The following ST7 variants were observed in gnomAD, a reference collection of about 807,000 sequenced individuals.
ST7 encodes the protein suppression of tumorigenicity 7, also known as suppressor of tumorigenicity 7 protein.
In ST7, 28 loss-of-function variants were observed where a neutral mutation model predicts 78.7. The ratio of observed to expected loss-of-function variants is 0.36; its 90% CI spans 0.26 to 0.49. The LOEUF (loss-of-function observed/expected upper bound fraction) is 0.49. Ranked by LOEUF, ST7 falls within the 20% of genes least tolerant of loss-of-function variation. The pLI is 0.99. For missense variants in ST7, 418 were observed against 696.0 expected, an observed-to-expected ratio of 0.60 and a Z score of 4.49; for synonymous variants, 247 against 249.6, an observed-to-expected ratio of 0.99 and a Z score of 0.10.
At chr7:117,138,600 G>A in intron 9 of ST7, 68 bp downstream of exon 9, 3 of 1,117,728 alleles carry the variant, frequency 2.7e-6, no homozygotes, top group Non-Finnish European at 4.0e-6. Context: ...GGCCATAGCA[G>A]TCTGTACCAG....
intron 1 of ST7, among the ~76,000 whole-genome samples, chr7:116,995,829 A>T (rs569341353): frequency 6.6e-6 from 1 of 152,168 alleles, no homozygotes; most frequent in South Asian, 2.1e-4. Context: ...GTCAATTTTT[A>T]TATGAAGTTT....
intron 1 of ST7, among the ~76,000 whole-genome samples, chr7:117,001,005 G>A (rs1794909317): frequency 6.6e-6 from 1 of 152,222 alleles, no homozygotes; most frequent in Non-Finnish European, 1.5e-5. Context: ...GTGAATCTAA[G>A]ATGCTTTTTG....
At position 117,219,076 on chromosome 7, in the gene ST7, G is replaced by GT; in HGVS notation, c.1406-4dup. On this transcript the variant is annotated splice_region_variant and splice_polypyrimidine_tract_variant and intron_variant, in intron 13 of 15. Coordinates refer to ENST00000323984, the MANE Select transcript of ST7 (RefSeq NM_001369598.1). The surrounding 1 kb of genome is among the most constrained non-coding windows in gnomAD (Gnocchi z 5.1). ...GGACATCTCTGACATATTTTTTCTC[G>GT]TTTTCAGCTTTTCGGATGATCCCTT... 6.2e-7 allele frequency: 1 copy of GT among 1,603,656 alleles called. No individual in the cohort carries two copies. Among genetic ancestry groups the GT allele is most frequent in the East Asian group, 2.2e-5 (1 of 44,518 alleles).
At chr7:117,116,988 A>T (rs1802941979) in intron 2 of ST7, among the ~76,000 whole-genome samples, 1 of 152,226 alleles carries the variant, frequency 6.6e-6, no homozygotes, top group South Asian at 2.1e-4. Flanking sequence ...TAAAGATTTG[A>T]AAAAAGGAAT....
At chr7:117,009,785 C>T (rs1340846434) in intron 1 of ST7, among the ~76,000 whole-genome samples, 2 of 152,168 alleles carry the variant, frequency 1.3e-5, no homozygotes, top group South Asian at 2.1e-4. Flanking sequence ...GACCACACAG[C>T]ACCTCTTATA....
chr7:117,153,329 T>C (rs996952473), intron 9 of ST7, among the ~76,000 whole-genome samples: 8 of 152,138 alleles, frequency 5.3e-5, no homozygotes, highest in African/African-American at 1.9e-4. Flanking sequence ...CAGTGGGATA[T>C]ACAGACCCTG....
intron 1 of ST7, chr7:117,098,543 T>G (rs183034199): frequency 4.0e-4 from 90 of 225,104 alleles, no homozygotes; most frequent in Non-Finnish European, 7.5e-4. Context: ...CTGCACTTGG[T>G]CTTCTAGAGA....
intron 13 of ST7, 63 bp downstream of exon 13, chr7:117,210,000 C>T (rs1235871533): frequency 6.4e-7 from 1 of 1,560,828 alleles, no homozygotes. Flanking sequence ...AATGTTTTTG[C>T]ACTGTTTATG....
chr7:117,198,298 C>T (rs1475796438), intron 12 of ST7: 6 of 456,014 alleles, frequency 1.3e-5, no homozygotes, highest in Middle Eastern at 3.3e-4. Context: ...TTTTACCTCC[C>T]GTTCTATTTC....
At chr7:117,079,968 CTTTTTTTTTTTTTTTTTT>C (rs34326752) in intron 1 of ST7, among the ~76,000 whole-genome samples, 19 of 65,438 alleles carry the variant, frequency 2.9e-4, no homozygotes, top group African/African-American at 1.0e-3. Flanking sequence ...TTTGTCATTC[CTTTTTTTTTTTTTTTTTT>C]TTTTTTTTTT....
Position 117,050,139 on chromosome 7 carries a change from C to T in ST7, c.152-49623C>T, listed in dbSNP as rs536696828. 6.6e-5 allele frequency among the ~76,000 whole-genome samples: 10 copies of T among 151,078 alleles called. No individual in the cohort carries two copies. The East Asian group carries it at 9.8e-4, about 15-fold the overall frequency. On this transcript the variant is annotated intron_variant, in intron 1 of 15. Transcript: ENST00000323984. The stretch of plus-strand genomic sequence containing the variant: ...CTGAGCCAGGAGAATCACTTGAACC[C>T]GGGACGTGGAGGTTGCAGTGAGCTG...
intron 9 of ST7, among the ~76,000 whole-genome samples, chr7:117,156,631 A>G (rs891583087): frequency 1.1e-4 from 16 of 152,204 alleles, no homozygotes; most frequent in African/African-American, 3.6e-4. Flanking sequence ...AGTGAGTCCC[A>G]GTGGTCTCCA....
At chr7:116,979,960 T>TTTTTTTTTG (rs1793878434) in intron 1 of ST7, among the ~76,000 whole-genome samples, 1 of 105,012 alleles carries the variant, frequency 9.5e-6, no homozygotes, top group Non-Finnish European at 1.8e-5. Context: ...TTGTTTCTCT[T>TTTTTTTTTG]TTTTTTTTTT....
chr7:117,197,976 CAGA>C (rs1473095076), intron 12 of ST7, among the ~76,000 whole-genome samples: 1 of 152,086 alleles, frequency 6.6e-6, no homozygotes, highest in Non-Finnish European at 1.5e-5. Context: ...GAGGCTGAGC[CAGA>C]AGGTCAAGAC....
At chr7:116,959,995 A>T (rs10262671) in intron 1 of ST7, among the ~76,000 whole-genome samples, 149,714 of 152,274 alleles carry the variant, frequency 0.98, 73,658 homozygotes, top group East Asian at 1. Context: ...GACTCTTAAT[A>T]CTTAGTGAAT....
In ST7 at chr7:117,129,765, A is replaced by C. The variant is rs375400694; in HGVS notation, c.395-28A>C. 25 of 1,593,472 alleles carry C rather than the reference A, an allele frequency of 1.6e-5. No homozygotes were observed. In the African/African-American group the frequency reaches 3.1e-4, roughly 20 times the overall value. On this transcript the variant is annotated intron_variant, in intron 3 of 15. Coordinates refer to ENST00000323984, the MANE Select transcript of ST7 (RefSeq NM_001369598.1). ...TTGTAGTGTCACTGAACTTACGCGT[A>C]ACATTTTCATATTTCTCTTTGTTGC...
At chr7:117,180,676 G>GTA (rs1230230819) in intron 10 of ST7, among the ~76,000 whole-genome samples, 8 of 152,288 alleles carry the variant, frequency 5.3e-5, no homozygotes, top group African/African-American at 1.9e-4. Flanking sequence ...TTGAGACAGG[G>GTA]TATAGCTCTG....
At chr7:116,967,245 T>G (rs1242075398) in intron 1 of ST7, 1 of 470,400 alleles carries the variant, frequency 2.1e-6, no homozygotes, top group Non-Finnish European at 4.4e-6. Flanking sequence ...CTGAGCCTGT[T>G]CTGGAAGACC....
chr7:117,095,032 T>C (rs1248367390), intron 1 of ST7, among the ~76,000 whole-genome samples: 2 of 152,224 alleles, frequency 1.3e-5, no homozygotes, highest in Non-Finnish European at 2.9e-5. Context: ...TATTCCATTA[T>C]ATCTAGTCAG....
Sources: gnomAD v4.1 joint callset for allele counts (sites outside exome capture counted in the v4.1 genomes callset) on GRCh38, gnomAD v4.1.1 for gene constraint, Gnocchi (gnomAD v3.1) non-coding constraint, MANE v1.5 for transcripts, NCBI Gene and HGNC (gene_info 2026-07-23, HGNC 2026-07-21) for gene names.